The following ASTN2 variants were observed in gnomAD, a reference collection of about 807,000 sequenced individuals.
ASTN2 encodes astrotactin 2, also known as astrotactin-2.
In ASTN2, 54 loss-of-function variants were observed where a neutral mutation model predicts 139.8. The ratio of observed to expected loss-of-function variants is 0.39; its 90% CI spans 0.31 to 0.48. ASTN2 has a LOEUF of 0.48. ASTN2 is among the 20% of genes least tolerant of loss of function. ASTN2 has a pLI of 0.95. For synonymous variants in ASTN2, 756 were observed against 719.5 expected, an observed-to-expected ratio of 1.05 and a Z score of -0.81; for missense variants, 1,565 against 1,725.1, an observed-to-expected ratio of 0.91 and a Z score of 1.64.
intron 19 of ASTN2, among the ~76,000 whole-genome samples, chr9:116,567,197 A>G (rs890501798): frequency 6.6e-6 from 1 of 152,232 alleles, no homozygotes; most frequent in African/African-American, 2.4e-5. Context: ...TTTCCAACAT[A>G]TAAATACTTC....
rs1847244608 is a variant in ASTN2, at chr9:116,423,948, TTA to T, written c.*1901_*1902del. 6.6e-6 allele frequency among the ~76,000 whole-genome samples: 1 copy of T among 152,182 alleles called. No individual in the cohort carries two copies. The highest frequency in any genetic ancestry group is 1.5e-5 in the Non-Finnish European group (1 of 68,040). ...TGAGGATAGGCATATTTTGAATGGCTTATGTTTTATTGATATTCAGTATCTTT... is the reference window on the plus strand; with the variant it reads ...TGAGGATAGGCATATTTTGAATGGCTTGTTTTATTGATATTCAGTATCTTT... On this transcript the variant is annotated 3_prime_UTR_variant, in exon 23 of 23. Coordinates refer to ENST00000313400, the MANE Select transcript of ASTN2 (RefSeq NM_001365068.1).
chr9:116,507,622 TA>T (rs991317253), intron 19 of ASTN2, among the ~76,000 whole-genome samples: 2 of 152,172 alleles, frequency 1.3e-5, no homozygotes, highest in African/African-American at 2.4e-5. Context: ...GTATTCAGAA[TA>T]TTTTGGAATT....
intron 5 of ASTN2, among the ~76,000 whole-genome samples, chr9:117,088,605 G>T (rs944984): frequency 0.81 from 122,677 of 152,116 alleles, 50,087 homozygotes; most frequent in Middle Eastern, 0.88. Context: ...GTGGTTCTTA[G>T]TTACAGAAAA....
At chr9:117,179,842 C>T (rs950816095) in intron 3 of ASTN2, among the ~76,000 whole-genome samples, 4 of 152,166 alleles carry the variant, frequency 2.6e-5, no homozygotes, top group African/African-American at 9.7e-5. Flanking sequence ...TAGGGACTTA[C>T]TTTACCCCCA....
intron 4 of ASTN2, among the ~76,000 whole-genome samples, chr9:117,110,071 ATG>A (rs990178213): frequency 9.2e-5 from 14 of 152,102 alleles, no homozygotes; most frequent in Non-Finnish European, 8.8e-5. Context: ...TTAAAATGTT[ATG>A]TATATATATG....
chr9:117,286,841 G>A (rs1444496139), intron 2 of ASTN2, among the ~76,000 whole-genome samples: 2 of 152,202 alleles, frequency 1.3e-5, no homozygotes, highest in African/African-American at 2.4e-5. Context: ...CCTCACTATA[G>A]CTAACATTTT....
chr9:116,904,121 A>G (rs896930604), intron 10 of ASTN2, among the ~76,000 whole-genome samples: 2 of 152,160 alleles, frequency 1.3e-5, no homozygotes, highest in Non-Finnish European at 2.9e-5. Context: ...TGTCCCTCTC[A>G]TTCAACTGCA....
At chr9:117,001,030 G>T (rs935826831) in intron 7 of ASTN2, among the ~76,000 whole-genome samples, 3 of 152,164 alleles carry the variant, frequency 2.0e-5, no homozygotes, top group African/African-American at 7.2e-5. Context: ...AAAACACACT[G>T]GAAATGGGCT....
intron 2 of ASTN2, among the ~76,000 whole-genome samples, chr9:117,227,340 G>T (rs1012402814): frequency 1.3e-5 from 2 of 152,146 alleles, no homozygotes; most frequent in Admixed American, 6.5e-5. Context: ...GGCCTTAATA[G>T]AATGGAGCTT....
chr9:116,616,960 CA>C (rs1855890068), intron 19 of ASTN2, among the ~76,000 whole-genome samples: 1 of 152,268 alleles, frequency 6.6e-6, no homozygotes, highest in South Asian at 2.1e-4. Flanking sequence ...CATACAGAGT[CA>C]AAAGTCAGAA....
At chr9:117,290,003 C>T (rs932114721) in intron 2 of ASTN2, among the ~76,000 whole-genome samples, 3 of 152,118 alleles carry the variant, frequency 2.0e-5, no homozygotes, top group African/African-American at 7.2e-5. Context: ...TGAAGAGAAA[C>T]GAGAAAGAGA....
intron 19 of ASTN2, among the ~76,000 whole-genome samples, chr9:116,593,445 G>T (rs1854450489): frequency 6.6e-6 from 1 of 152,206 alleles, no homozygotes; most frequent in Non-Finnish European, 1.5e-5. Context: ...GAGAATGTCT[G>T]AAGGGAGGTA....
intron 10 of ASTN2, among the ~76,000 whole-genome samples, chr9:116,964,758 T>G (rs749276234): frequency 6.6e-6 from 1 of 152,194 alleles, no homozygotes; most frequent in Non-Finnish European, 1.5e-5. Context: ...AGGAAGTACC[T>G]ACATGGAGGC....
At chr9:116,748,710 C>T (rs1829318589) in intron 13 of ASTN2, among the ~76,000 whole-genome samples, 1 of 152,142 alleles carries the variant, frequency 6.6e-6, no homozygotes, top group Admixed American at 6.5e-5. Context: ...ACTGACTCTC[C>T]CTGAATCCTA....
At chr9:117,298,444 C>T (rs933103567) in intron 1 of ASTN2, among the ~76,000 whole-genome samples, 2 of 152,032 alleles carry the variant, frequency 1.3e-5, no homozygotes, top group Non-Finnish European at 1.5e-5. Context: ...GCAAGCTCTT[C>T]GCTTCTTCAT....
At chr9:116,837,211 T>C (rs943310) in intron 11 of ASTN2, among the ~76,000 whole-genome samples, 35,930 of 151,908 alleles carry the variant, frequency 0.24, 4,866 homozygotes, top group East Asian at 0.5. Context: ...AGAAAGGGAG[T>C]GAGTCAGCCT....
At chr9:117,407,394 T>C (rs932056514) in intron 1 of ASTN2, among the ~76,000 whole-genome samples, 1 of 152,160 alleles carries the variant, frequency 6.6e-6, no homozygotes, top group Admixed American at 6.5e-5. Context: ...GGGATAAGAC[T>C]AGAGGTAGAC....
chr9:117,312,350 G>A (rs1307816637), intron 1 of ASTN2, among the ~76,000 whole-genome samples: 1 of 152,122 alleles, frequency 6.6e-6, no homozygotes, highest in African/African-American at 2.4e-5. Flanking sequence ...ACCAGGAGGT[G>A]GTTAGGTGCT....
At chr9:116,517,425 T>A (rs1490227417) in intron 19 of ASTN2, among the ~76,000 whole-genome samples, 4 of 152,086 alleles carry the variant, frequency 2.6e-5, no homozygotes, top group African/African-American at 7.2e-5. Flanking sequence ...ACATTTCAGC[T>A]CTGAGGAAGC....
Sources: allele counts gnomAD v4.1 joint callset (sites outside exome capture counted in the v4.1 genomes callset), GRCh38; gene constraint gnomAD v4.1.1; transcripts MANE v1.5; gene names NCBI Gene and HGNC (gene_info 2026-07-23, HGNC 2026-07-21).